Variants in ENTREP3 observed in about 807,000 individuals in gnomAD.
ENTREP3 encodes endosomal transmembrane epsin interactor 3.
chr1:155,251,731 A>AC, the ENTREP3 span: 2 of 1,612,298 alleles, frequency 1.2e-6, no homozygotes, highest in Non-Finnish European at 1.7e-6. Flanking sequence ...ACCAGGCCTT[A>AC]CCTCTGTGCA....
At chr1:155,248,265 A>T in the ENTREP3 span, 1 of 1,601,552 alleles carries the variant, frequency 6.2e-7, no homozygotes, top group East Asian at 2.2e-5. Flanking sequence ...GGGGAAGGGC[A>T]GCGGGCTAGG....
the ENTREP3 span, chr1:155,247,989 A>G: frequency 6.2e-7 from 1 of 1,610,990 alleles, no homozygotes; most frequent in African/African-American, 1.3e-5. Flanking sequence ...CATCATCAAT[A>G]AGGCTCAATC....
At chr1:155,250,318 G>C in the ENTREP3 span, 1 of 1,548,054 alleles carries the variant, frequency 6.5e-7, no homozygotes, top group Non-Finnish European at 8.7e-7. This position sits in a 1 kb window ranked among gnomAD's most constrained non-coding sequence, Gnocchi z 5.4. Context: ...CTGTGGGACC[G>C]TGGCAGCAGC....
the ENTREP3 span, chr1:155,253,596 G>T: frequency 6.6e-7 from 1 of 1,526,584 alleles, no homozygotes; most frequent in Non-Finnish European, 9.1e-7. Context: ...CACCATACCT[G>T]CGTGCCCTGG....
At chr1:155,247,715 G>T in the ENTREP3 span, 1 of 1,390,044 alleles carries the variant, frequency 7.2e-7, no homozygotes, top group Non-Finnish European at 9.6e-7. Context: ...AGAGGATGCT[G>T]GGGGCTGCTG....
the ENTREP3 span, among the ~76,000 whole-genome samples, chr1:155,249,397 A>G: frequency 6.6e-6 from 1 of 151,978 alleles, no homozygotes; most frequent in Admixed American, 6.6e-5. Flanking sequence ...GGCCTGAAGT[A>G]CTATTATTAT....
At chr1:155,250,367 C>T in the ENTREP3 span, 1 of 1,285,730 alleles carries the variant, frequency 7.8e-7, no homozygotes, top group Non-Finnish European at 1.0e-6. The surrounding 1 kb of genome is among the most constrained non-coding windows in gnomAD (Gnocchi z 5.4). Context: ...GCCGGTGCCC[C>T]GGTGGGGTGA....
chr1:155,250,464 C>T, the ENTREP3 span: 2 of 1,474,422 alleles, frequency 1.4e-6, no homozygotes, highest in Non-Finnish European at 1.8e-6. The surrounding 1 kb of genome is among the most constrained non-coding windows in gnomAD (Gnocchi z 5.4). Flanking sequence ...GGGGACCCGC[C>T]GCCTCAGCTC....
At chr1:155,254,694 CGGT>C in the ENTREP3 span, 2 of 1,611,430 alleles carry the variant, frequency 1.2e-6, no homozygotes, top group Non-Finnish European at 1.7e-6. This position sits in a 1 kb window ranked among gnomAD's most constrained non-coding sequence, Gnocchi z 4.4. Context: ...TTGATGCTCT[CGGT>C]GGTGGTGACG....
chr1:155,251,463 C>T, the ENTREP3 span: 256 of 1,496,044 alleles, frequency 1.7e-4, no homozygotes, highest in Non-Finnish European at 2.2e-4. Flanking sequence ...GGCTACAACC[C>T]GGCTCCCCAG....
the ENTREP3 span, among the ~76,000 whole-genome samples, chr1:155,249,926 C>T: frequency 6.7e-6 from 1 of 150,062 alleles, no homozygotes; most frequent in African/African-American, 2.5e-5. Flanking sequence ...GTCATGGTGG[C>T]GCACACCTGT....
chr1:155,253,952 G>A, the ENTREP3 span: 5 of 1,612,964 alleles, frequency 3.1e-6, no homozygotes, highest in South Asian at 5.5e-5. Context: ...GGGGAACAGA[G>A]GGACAGCACA....
At chr1:155,247,443 G>A in the ENTREP3 span, 1 of 581,292 alleles carries the variant, frequency 1.7e-6, no homozygotes, top group African/African-American at 1.8e-5. Flanking sequence ...TTAAACACCT[G>A]GGCCATGCCT....
the ENTREP3 span, chr1:155,248,243 C>T: frequency 2.5e-6 from 4 of 1,603,716 alleles, no homozygotes; most frequent in South Asian, 1.1e-5. Context: ...TGACCGGGCA[C>T]GTAGCAACTT....
At chr1:155,251,660 C>T in the ENTREP3 span, 2 of 1,606,002 alleles carry the variant, frequency 1.2e-6, no homozygotes, top group East Asian at 2.2e-5. Flanking sequence ...ACAAAGATCC[C>T]TCTCTCCAGC....
chr1:155,252,082 T>C, the ENTREP3 span: 1 of 497,530 alleles, frequency 2.0e-6, no homozygotes. Flanking sequence ...GCTCACCCTG[T>C]ACCTCTAGCT....
At chr1:155,248,158 C>T in the ENTREP3 span, 3 of 1,614,056 alleles carry the variant, frequency 1.9e-6, no homozygotes, top group Middle Eastern at 1.7e-4. Flanking sequence ...TTAGGTCCCC[C>T]AGGGAGTGGG....
the ENTREP3 span, chr1:155,251,981 T>C: frequency 2.9e-6 from 3 of 1,045,754 alleles, no homozygotes; most frequent in Non-Finnish European, 4.0e-6. Flanking sequence ...AACTCCTCTC[T>C]CATCTACATT....
chr1:155,247,366 C>G, the ENTREP3 span: 8 of 483,338 alleles, frequency 1.7e-5, no homozygotes, highest in East Asian at 6.2e-5. Flanking sequence ...TGAGAGGCCA[C>G]CTAGATTTTT....
Sources: allele counts gnomAD v4.1 joint callset (sites outside exome capture counted in the v4.1 genomes callset), GRCh38; gene constraint gnomAD v4.1.1; non-coding constraint Gnocchi (gnomAD v3.1); transcripts MANE v1.5; gene names NCBI Gene and HGNC (gene_info 2026-07-23, HGNC 2026-07-21).